RHEX: variants seen among roughly 807,000 people sequenced by gnomAD.
RHEX encodes the protein regulator of hemoglobinization and erythroid cell expansion protein.
RHEX carries 18 observed loss-of-function variants against 20.1 expected under a neutral mutation model. The ratio of observed to expected loss-of-function variants is 0.90; its 90% CI spans 0.62 to 1.33. The LOEUF (loss-of-function observed/expected upper bound fraction) is 1.33. Among genes scored for constraint, RHEX ranks in the 40% most tolerant of loss-of-function variants. RHEX has a pLI of 0.00. For synonymous variants in RHEX, 87 were observed against 77.1 expected (o/e 1.13, Z -0.67); for missense variants, 192 against 214.3 (o/e 0.90, Z 0.65).
chr1:206,070,982 G>C (rs1453267433), intron 1 of RHEX, among the ~76,000 whole-genome samples: 1 of 152,172 alleles, frequency 6.6e-6, no homozygotes, highest in Non-Finnish European at 1.5e-5. Flanking sequence ...GAACTAATAA[G>C]ATATACGTAT....
At chr1:206,075,460 G>A (rs1167782233) in intron 1 of RHEX, among the ~76,000 whole-genome samples, 2 of 152,142 alleles carry the variant, frequency 1.3e-5, no homozygotes, top group Non-Finnish European at 2.9e-5. Flanking sequence ...ATATTCAACA[G>A]GCTGGCGGCA....
chr1:206,075,890 C>T (rs1227188036), intron 1 of RHEX, among the ~76,000 whole-genome samples: 3 of 152,114 alleles, frequency 2.0e-5, no homozygotes, highest in Non-Finnish European at 2.9e-5. Flanking sequence ...CATGAGCCAC[C>T]GTGCACAGCC....
At chr1:206,084,378 G>A (rs929207815) in intron 1 of RHEX, among the ~76,000 whole-genome samples, 1 of 152,146 alleles carries the variant, frequency 6.6e-6, no homozygotes, top group Non-Finnish European at 1.5e-5. Context: ...AGAATTTTAC[G>A]CAGATTGGCC....
chr1:206,075,604 C>CTT (rs1195410311), intron 1 of RHEX, among the ~76,000 whole-genome samples: 2,613 of 143,818 alleles, frequency 0.018, 74 homozygotes, highest in African/African-American at 0.061. Context: ...ATGCCAAAGT[C>CTT]TTTTTTTTTT....
intron 1 of RHEX, among the ~76,000 whole-genome samples, chr1:206,056,745 C>T (rs1571848099): frequency 6.6e-6 from 1 of 152,306 alleles, no homozygotes; most frequent in African/African-American, 2.4e-5. Flanking sequence ...GACACTTGTG[C>T]CACTATTGAT....
chr1:206,085,262 A>G, intron 1 of RHEX, among the ~76,000 whole-genome samples: 1 of 152,282 alleles, frequency 6.6e-6, no homozygotes, highest in South Asian at 2.1e-4. Context: ...TTCCATCCCT[A>G]TCCCTGCCGT....
At chr1:206,062,725 C>T (rs61815548) in intron 1 of RHEX, among the ~76,000 whole-genome samples, 4,648 of 152,090 alleles carry the variant, frequency 0.031, 97 homozygotes, top group Non-Finnish European at 0.044. Flanking sequence ...AGAAAGGGGA[C>T]GGGGGAGGAG....
At chr1:206,055,567 G>A (rs551535113) in intron 1 of RHEX, among the ~76,000 whole-genome samples, 3 of 152,222 alleles carry the variant, frequency 2.0e-5, no homozygotes, top group Admixed American at 6.5e-5. Context: ...TCGAAGCCCC[G>A]CAAGGAACAC....
intron 1 of RHEX, among the ~76,000 whole-genome samples, chr1:206,066,388 G>A (rs556317815): frequency 1.3e-5 from 2 of 152,308 alleles, no homozygotes; most frequent in South Asian, 2.1e-4. Context: ...AGGCCGAGGC[G>A]GACGGATCAC....
At chr1:206,077,751 G>A (rs911721949) in intron 1 of RHEX, among the ~76,000 whole-genome samples, 45 of 152,332 alleles carry the variant, frequency 3.0e-4, no homozygotes, top group African/African-American at 1.1e-3. Context: ...TGTTGCTGCT[G>A]TTGTCTAACA....
rs532062914 is a variant in RHEX at position 206,067,278 on chromosome 1, A to AG, written c.-97+14017dup. ...GCATCAGATTTCATTCTGGTTCCACAGGGGACTCCAGAACGTGATTCCCGG... is the reference window on the plus strand; with the variant it reads ...GCATCAGATTTCATTCTGGTTCCACAGGGGGACTCCAGAACGTGATTCCCGG... On this transcript the variant is annotated intron_variant, in intron 1 of 5. Coordinates refer to ENST00000331555, the MANE Select transcript of RHEX (RefSeq NM_001007544.4). The surrounding 1 kb of genome is among the most constrained non-coding windows in gnomAD (Gnocchi z 4.6). Among the ~76,000 whole-genome samples the AG allele has an allele frequency of 3.3e-3, 505 of 152,298 alleles. No homozygotes were observed. The highest frequency in any genetic ancestry group is 5.1e-3 in the Non-Finnish European group (344 of 68,016).
At chr1:206,065,027 T>C (rs905671382) in intron 1 of RHEX, among the ~76,000 whole-genome samples, 2 of 152,098 alleles carry the variant, frequency 1.3e-5, no homozygotes, top group Admixed American at 1.3e-4. Flanking sequence ...CAGAGTTAAA[T>C]GGATTAAGGG....
intron 3 of RHEX, among the ~76,000 whole-genome samples, chr1:206,099,282 C>T (rs1663137530): frequency 6.6e-6 from 1 of 151,006 alleles, no homozygotes; most frequent in Admixed American, 6.6e-5. Flanking sequence ...TCAACAGGCG[C>T]TGATTCAAGA....
intron 1 of RHEX, among the ~76,000 whole-genome samples, chr1:206,085,240 T>C (rs1032709103): frequency 3.3e-5 from 5 of 152,316 alleles, no homozygotes; most frequent in South Asian, 4.1e-4. Flanking sequence ...GTGTTACACA[T>C]TGAAATGCTT....
At chr1:206,058,985 C>T (rs1553282978) in intron 1 of RHEX, among the ~76,000 whole-genome samples, 1 of 152,152 alleles carries the variant, frequency 6.6e-6, no homozygotes, top group African/African-American at 2.4e-5. Flanking sequence ...CCTCCTCTGC[C>T]TGCCCAGGAT....
intron 1 of RHEX, among the ~76,000 whole-genome samples, chr1:206,056,147 T>A (rs895180954): frequency 3.3e-5 from 5 of 152,232 alleles, no homozygotes; most frequent in Admixed American, 6.5e-5. Flanking sequence ...AGAGCCCAGT[T>A]AAACATAACT....
In RHEX at chr1:206,101,787, T is replaced by C. The variant is rs1553288452; in HGVS notation, c.354T>C (p.Phe118=). 6.2e-7 allele frequency: 1 copy of C among 1,613,896 alleles called. No individual in the cohort carries two copies. Among genetic ancestry groups the C allele is most frequent in the Non-Finnish European group, 8.5e-7 (1 of 1,179,986 alleles). The change falls in exon 6 of 6, where the codon TTT becomes TTC. Residue 118 remains phenylalanine, a synonymous_variant. Coordinates refer to ENST00000331555, the MANE Select transcript of RHEX (RefSeq NM_001007544.4). ...TEDVDYTQVV[F]SDPGELKNDS... Reference sequence around the variant, plus strand: ...ATGTGGATTACACACAAGTCGTCTTTTCTGACCCTGGAGAACTAAAAAATG... The same window carrying C: ...ATGTGGATTACACACAAGTCGTCTTCTCTGACCCTGGAGAACTAAAAAATG...
chr1:206,074,582 G>A (rs1467646365), intron 1 of RHEX, among the ~76,000 whole-genome samples: 2 of 152,166 alleles, frequency 1.3e-5, no homozygotes, highest in Non-Finnish European at 2.9e-5. Flanking sequence ...ACCACCCACT[G>A]TTGTGCGCCA....
intron 1 of RHEX, among the ~76,000 whole-genome samples, chr1:206,068,685 TA>T (rs1264828804): frequency 2.0e-5 from 3 of 152,200 alleles, no homozygotes; most frequent in Non-Finnish European, 4.4e-5. Context: ...CAATTGTATA[TA>T]AATCTTAATG....
Sources: allele counts gnomAD v4.1 joint callset (sites outside exome capture counted in the v4.1 genomes callset), GRCh38; gene constraint gnomAD v4.1.1; non-coding constraint Gnocchi (gnomAD v3.1); transcripts MANE v1.5; gene names NCBI Gene and HGNC (gene_info 2026-07-23, HGNC 2026-07-21).